The following GIMAP4 variants were observed in gnomAD, a reference collection of about 807,000 sequenced individuals.
GIMAP4 encodes the protein GTPase, IMAP family member 4.
A neutral mutation model predicts 10.8 loss-of-function variants in GIMAP4; 12 were observed. The ratio of observed to expected loss-of-function variants is 1.11; its 90% confidence interval spans 0.71 to 1.81. The LOEUF is 1.81. GIMAP4 is among the 40% of genes most tolerant of loss of function. The pLI is 0.00. For missense variants in GIMAP4, 412 were observed against 404.6 expected (o/e 1.02, Z -0.16); for synonymous variants, 149 against 147.2 (o/e 1.01, Z -0.09).
chr7:150,567,460 G>A (rs182773081), intron 1 of GIMAP4, 23 bp downstream of exon 1: 1 of 152,198 alleles, frequency 6.6e-6, no homozygotes, highest in Non-Finnish European at 1.5e-5. Context: ...GGGTGTGTGT[G>A]GTGGGGGTCG....
chr7:150,571,997 G>C (rs1795733756), intron 2 of GIMAP4, 132 bp from the exon 3 acceptor site: 2 of 631,524 alleles, frequency 3.2e-6, no homozygotes. Context: ...GAATCTCTGA[G>C]TGCAGCAGTA....
intron 1 of GIMAP4, among the ~76,000 whole-genome samples, chr7:150,569,650 A>G (rs905210308): frequency 6.6e-6 from 1 of 152,192 alleles, no homozygotes; most frequent in Non-Finnish European, 1.5e-5. Flanking sequence ...AGAGGGGGGA[A>G]GGGGCCAGAA....
rs1417059677 is a variant in GIMAP4, at chr7:150,573,567, T to G, written c.*507T>G. 1 of 153,044 alleles carries G rather than the reference T, an allele frequency of 6.5e-6. No individual in the cohort carries two copies. Among genetic ancestry groups the G allele is most frequent in the Non-Finnish European group, 1.5e-5 (1 of 68,654 alleles). 9.5% of individuals were successfully genotyped at this position (153,044 alleles called of 1,614,324 possible). On this transcript the variant is annotated 3_prime_UTR_variant, in exon 3 of 3. Transcript: ENST00000255945. The stretch of plus-strand genomic sequence containing the variant: ...ATTCCTAGATGAGTGTCAATTTATT[T>G]AATTCCATTGTCATATAAGGAGTCA...
At position 150,573,091 on chromosome 7, in the gene GIMAP4, A is replaced by G. The variant is rs368730456; in HGVS notation, c.*31A>G. The G allele has an allele frequency of 2.8e-6, 4 of 1,428,128 alleles. No individual in the cohort carries two copies. Among genetic ancestry groups the G allele is most frequent in the African/African-American group, 2.8e-5 (2 of 70,502 alleles). 88.5% of individuals were successfully genotyped at this position (1,428,128 alleles called of 1,614,324 possible). A position where few individuals can be genotyped will look rare whatever the true frequency, so the allele number is the denominator to read the frequency against. ...ATGAAAATCTGTTTGTATTTTCTGC[A>G]TATTCTCTGGCAACCTTGCCCCATA... On this transcript the variant is annotated 3_prime_UTR_variant, in exon 3 of 3. Transcript: ENST00000255945.
Position 150,572,950 on chromosome 7 carries a change from C to T in GIMAP4, c.880C>T (p.Gln294Ter). ...ACAGGAGGCTCACTATGCTGTAAGGCAGCAAAGGGCAAGAACGGAAGTGGA... is the reference window on the plus strand; with the variant it reads ...ACAGGAGGCTCACTATGCTGTAAGGTAGCAAAGGGCAAGAACGGAAGTGGA... ...AEQEAHYAVR[Q>*]QRARTEVESK... The change falls in exon 3 of 3, where the codon CAG becomes TAG. Residue 294 changes from glutamine (Q) to a stop codon, truncating the protein, a stop_gained. Coordinates refer to ENST00000255945, the MANE Select transcript of GIMAP4 (RefSeq NM_018326.3). LOFTEE classifies it low-confidence loss of function (END_TRUNC). 1 of 1,613,708 alleles carries T rather than the reference C, an allele frequency of 6.2e-7. No individual in the cohort carries two copies. The highest frequency in any genetic ancestry group is 8.5e-7 in the Non-Finnish European group (1 of 1,179,610).
chr7:150,571,705 C>T (rs1795730487), intron 2 of GIMAP4, among the ~76,000 whole-genome samples: 1 of 152,112 alleles, frequency 6.6e-6, no homozygotes, highest in Non-Finnish European at 1.5e-5. Flanking sequence ...CGCTTGAACC[C>T]AGGAGGCAGA....
chr7:150,570,989 C>CAGGGATGG (rs1795722201), intron 2 of GIMAP4, among the ~76,000 whole-genome samples: 1 of 152,116 alleles, frequency 6.6e-6, no homozygotes, highest in Non-Finnish European at 1.5e-5. Context: ...GGCATGCATC[C>CAGGGATGG]AGGGATGGGA....
rs1041833662 is a variant in GIMAP4, at chr7:150,572,825, A to G, written c.755A>G (p.Lys252Arg). The G allele has an allele frequency of 3.7e-6, 6 of 1,612,582 alleles. No homozygotes were observed. Among genetic ancestry groups the G allele is most frequent in the Non-Finnish European group, 5.1e-6 (6 of 1,178,744 alleles). The change falls in exon 3 of 3, where the codon AAA becomes AGA. Residue 252 changes from lysine to arginine, a missense_variant. Physicochemically the swap from Lys to Arg is conservative, Grantham distance 26. Transcript: ENST00000255945. ...CACAGAGTGGAGCTGGAGAGAGAGA[A>G]AGCGCGGATAAGAGAGGAGTATGAA... Reference protein sequence around the residue: ...ELHRVELEREKARIREEYEEK... With the variant: ...ELHRVELERERARIREEYEEK...
At chr7:150,571,716 G>A (rs978923838) in intron 2 of GIMAP4, among the ~76,000 whole-genome samples, 3 of 152,190 alleles carry the variant, frequency 2.0e-5, no homozygotes, top group African/African-American at 7.2e-5. Flanking sequence ...AGGAGGCAGA[G>A]GTTGTAGTGA....
In GIMAP4 at chr7:150,573,206, ATTGAC is replaced by A. The variant is rs757500061; in HGVS notation, c.*149_*153del. ...ACCATTGGCCATTGGTAGATGTTTG[ATTGAC>A]TTAACAAGAGAGGGACAAATTTTCA... is the stretch of plus-strand genomic sequence containing the variant. On this transcript the variant is annotated 3_prime_UTR_variant, in exon 3 of 3. Coordinates refer to ENST00000255945, the MANE Select transcript of GIMAP4 (RefSeq NM_018326.3). 37 of 597,352 alleles carry A rather than the reference ATTGAC, an allele frequency of 6.2e-5. No individual in the cohort carries two copies. The highest frequency in any genetic ancestry group is 9.7e-5 in the Non-Finnish European group (33 of 339,622). 37.0% of individuals were successfully genotyped at this position (597,352 alleles called of 1,614,324 possible).
chr7:150,567,963 G>T (rs552004031), intron 1 of GIMAP4, among the ~76,000 whole-genome samples: 1 of 152,182 alleles, frequency 6.6e-6, no homozygotes, highest in Non-Finnish European at 1.5e-5. Context: ...CCCCTTTAGC[G>T]GGTAGGAGGA....
In GIMAP4 at chr7:150,572,782, C is replaced by G; in HGVS notation, c.712C>G (p.Gln238Glu). The G allele has an allele frequency of 6.2e-7, 1 of 1,614,072 alleles. No individual in the cohort carries two copies. The highest frequency in any genetic ancestry group is 1.1e-5 in the South Asian group (1 of 91,076). ...GGAGGAGGAGATCCAGAAGCAAACACAAGCAATGCAAGAACTCCACAGAGT... is the reference window on the plus strand; with the variant it reads ...GGAGGAGGAGATCCAGAAGCAAACAGAAGCAATGCAAGAACTCCACAGAGT... ...RAEEEIQKQT[Q>E]AMQELHRVEL... The change falls in exon 3 of 3, where the codon CAA (glutamine) becomes GAA (glutamate). Residue 238 changes from glutamine to glutamate, a missense_variant. Coordinates refer to ENST00000255945, the MANE Select transcript of GIMAP4 (RefSeq NM_018326.3).
intron 2 of GIMAP4, 74 bp downstream of exon 2, chr7:150,570,033 G>GCA: frequency 6.7e-5 from 27 of 400,862 alleles, no homozygotes; most frequent in East Asian, 1.3e-4. Context: ...ATTTGGGGGG[G>GCA]AATAGGGGTG....
rs111936671 is a variant in GIMAP4, at chr7:150,571,543, G to A, written c.59-586G>A. Among the ~76,000 whole-genome samples the A allele has an allele frequency of 4.7e-3, 717 of 152,322 alleles. 6 individuals carry two copies. Among genetic ancestry groups the A allele is most frequent in the African/African-American group, 0.016 (651 of 41,564 alleles). On this transcript the variant is annotated intron_variant, in intron 2 of 2. Coordinates refer to ENST00000255945, the MANE Select transcript of GIMAP4 (RefSeq NM_018326.3). ...TGCCCGTAATCCCAGCGCTTTGGGA[G>A]GCCGAGGCGGGTGGATCATCTGAGG...
At chr7:150,569,766 G>C in intron 1 of GIMAP4, 122 bp from the exon 2 acceptor site, 1 of 616,188 alleles carries the variant, frequency 1.6e-6, no homozygotes, top group Non-Finnish European at 2.9e-6. Context: ...GGGAAATGGA[G>C]CAGGAGAAAT....
Position 150,573,330 on chromosome 7 carries a change from AG to A in GIMAP4, c.*271del, listed in dbSNP as rs996878962. ...AGAAAATGTATGCAAGAGACCAAAA[AG>A]ATGGCTCCAAGCTATGTCATGTTAC... On this transcript the variant is annotated 3_prime_UTR_variant, in exon 3 of 3. Coordinates refer to ENST00000255945, the MANE Select transcript of GIMAP4 (RefSeq NM_018326.3). 1.3e-5 allele frequency: 4 copies of A among 319,648 alleles called. No homozygotes were observed. The highest frequency in any genetic ancestry group is 9.2e-5 in the Admixed American group (2 of 21,718). 19.8% of individuals were successfully genotyped at this position (319,648 alleles called of 1,614,324 possible). A position where few individuals can be genotyped will look rare whatever the true frequency, so the allele number is the denominator to read the frequency against.
At chr7:150,568,087 G>A (rs571856290) in intron 1 of GIMAP4, among the ~76,000 whole-genome samples, 34 of 152,236 alleles carry the variant, frequency 2.2e-4, no homozygotes, top group African/African-American at 7.0e-4. Context: ...AGCACCTACA[G>A]AAGCACAGTC....
intron 1 of GIMAP4, among the ~76,000 whole-genome samples, chr7:150,567,975 G>A (rs1321786569): frequency 6.6e-6 from 1 of 152,194 alleles, no homozygotes; most frequent in African/African-American, 2.4e-5. Context: ...GTAGGAGGAG[G>A]GAGATGCCAC....
chr7:150,569,259 C>T (rs1009379238), intron 1 of GIMAP4, among the ~76,000 whole-genome samples: 3 of 152,126 alleles, frequency 2.0e-5, no homozygotes, highest in African/African-American at 7.2e-5. Context: ...ATACAATTGA[C>T]AGTGGGTTGT....
Sources: allele counts gnomAD v4.1 joint callset (sites outside exome capture counted in the v4.1 genomes callset), GRCh38; gene constraint gnomAD v4.1.1; transcripts MANE v1.5; gene names NCBI Gene and HGNC (gene_info 2026-07-23, HGNC 2026-07-21).